The following ATM variants were observed in gnomAD, a reference collection of about 807,000 sequenced individuals.
ATM encodes the protein ATM serine/threonine kinase.
ATM carries 308 observed loss-of-function variants against 387.0 expected under a neutral mutation model. The observed-to-expected ratio is 0.80, with a 90% CI of 0.73 to 0.87. The LOEUF is 0.87. Among genes scored for constraint, ATM ranks in the 40% least tolerant of loss-of-function variants. ATM has a pLI of 0.00. For synonymous variants in ATM, 1,156 were observed against 1,187.3 expected, an observed-to-expected ratio of 0.97 and a Z score of 0.54; for missense variants, 3,312 against 3,560.9, an observed-to-expected ratio of 0.93 and a Z score of 1.78.
At chr11:108,274,935 G>T (rs2081854860) in intron 22 of ATM, among the ~76,000 whole-genome samples, 1 of 152,134 alleles carries the variant, frequency 6.6e-6, no homozygotes, top group African/African-American at 2.4e-5. Flanking sequence ...TTAATTTTCT[G>T]TCTCATTGAT....
At chr11:108,335,380 GA>G (rs1225184596) in intron 55 of ATM, 65 of 1,000,130 alleles carry the variant, frequency 6.5e-5, no homozygotes, top group Middle Eastern at 3.1e-4. Flanking sequence ...TGCTTCTTAT[GA>G]AAAAAAATAC....
intron 32 of ATM, chr11:108,295,306 G>T: frequency 1.8e-4 from 73 of 397,330 alleles, no homozygotes; most frequent in Middle Eastern, 7.6e-4. Context: ...TTTTTCTACT[G>T]CCTAAATTTT....
At chr11:108,316,512 A>G (rs546300653) in intron 42 of ATM, among the ~76,000 whole-genome samples, 74 of 152,228 alleles carry the variant, frequency 4.9e-4, no homozygotes, top group African/African-American at 1.7e-3. Context: ...TGTTGTTTCT[A>G]TTACTGGCTA....
intron 16 of ATM, among the ~76,000 whole-genome samples, chr11:108,263,192 GCACCA>G (rs1302290512): frequency 2.8e-5 from 4 of 142,354 alleles, no homozygotes; most frequent in African/African-American, 1.1e-4. Context: ...ATTTTTTTCA[GCACCA>G]CACCACACCT....
chr11:108,326,158 A>T lies in ATM; in HGVS notation c.6908A>T (p.Lys2303Met), dbSNP rs1064795166. The change falls in exon 47 of 63, where the codon AAG becomes ATG. Residue 2303 changes from lysine to methionine, a missense_variant. By Grantham distance (95) the Lys-to-Met change is moderately conservative. Around this residue, in one of 4 missense-constraint regions of ATM, gnomAD observed 1,405 missense variants for 1,604.4 expected, o/e 0.88. Coordinates refer to ENST00000675843, the MANE Select transcript of ATM (RefSeq NM_000051.4). Reference sequence around the variant, plus strand: ...GAAGCACAAGTATTCTGGGCAAAAAAGGAGCAGAGTCTTGCCCTGAGTATT... The same window carrying T: ...GAAGCACAAGTATTCTGGGCAAAAATGGAGCAGAGTCTTGCCCTGAGTATT... ...LEEAQVFWAK[K>M]EQSLALSILK... is the part of the protein sequence containing the mutation. 1 of 1,614,208 alleles carries T rather than the reference A, an allele frequency of 6.2e-7. No homozygotes were observed. The highest frequency in any genetic ancestry group is 8.5e-7 in the Non-Finnish European group (1 of 1,180,008).
In ATM at chr11:108,364,460, T is replaced by C. The variant is rs141309425; in HGVS notation, c.8851-622T>C. The stretch of plus-strand genomic sequence containing the variant: ...AGCCATGTCAGTTGTTTTGGTATCC[T>C]AATTCTACACCTAATATATATCTCA... On this transcript the variant is annotated intron_variant, in intron 61 of 62. Coordinates refer to ENST00000675843, the MANE Select transcript of ATM (RefSeq NM_000051.4). Among the ~76,000 whole-genome samples the C allele has an allele frequency of 7.9e-3, 1,211 of 152,338 alleles. 9 individuals are homozygous for C. Among genetic ancestry groups the C allele is most frequent in the African/African-American group, 0.025 (1,037 of 41,570 alleles).
intron 59 of ATM, among the ~76,000 whole-genome samples, chr11:108,353,210 A>G (rs1477526049): frequency 6.6e-6 from 1 of 151,782 alleles, no homozygotes; most frequent in African/African-American, 2.4e-5. Flanking sequence ...GTGCAATGGC[A>G]CGATCTCAGC....
intron 25 of ATM, among the ~76,000 whole-genome samples, chr11:108,283,501 A>C (rs1416573438): frequency 6.6e-6 from 1 of 152,214 alleles, no homozygotes; most frequent in Non-Finnish European, 1.5e-5. Flanking sequence ...TTTTACATGT[A>C]GTGTATCACA....
intron 12 of ATM, among the ~76,000 whole-genome samples, chr11:108,253,371 C>T (rs1276004482): frequency 6.6e-6 from 1 of 152,108 alleles, no homozygotes; most frequent in African/African-American, 2.4e-5. Context: ...AAATGACTCA[C>T]TGGCACAAAC....
intron 26 of ATM, among the ~76,000 whole-genome samples, chr11:108,285,660 C>T (rs996912928): frequency 6.6e-6 from 1 of 151,046 alleles, no homozygotes; most frequent in Non-Finnish European, 1.5e-5. Flanking sequence ...AGAAATGGAA[C>T]AGCAAGTTCC....
In ATM at chr11:108,321,288, T is replaced by C. The variant is rs1555117056; in HGVS notation, c.6453-13T>C. On this transcript the variant is annotated splice_polypyrimidine_tract_variant and intron_variant, in intron 44 of 62. Transcript: ENST00000675843. ...TCTTTATTTTCAGAGTGTCTTTTCTTTTTTGCTACTAGAGTAAAAGAAGTG... is the reference window on the plus strand; with the variant it reads ...TCTTTATTTTCAGAGTGTCTTTTCTCTTTTGCTACTAGAGTAAAAGAAGTG... 6.2e-7 allele frequency: 1 copy of C among 1,614,072 alleles called. No homozygotes were observed.
rs1214541502 is a variant in ATM, at chr11:108,302,884, ACCCT to A, written c.5352_5355del (p.Pro1785LeufsTer7). 1 of 1,612,974 alleles carries A rather than the reference ACCCT, an allele frequency of 6.2e-7. No homozygotes were observed. The highest frequency in any genetic ancestry group is 1.7e-5 in the Admixed American group (1 of 59,976). ...GAAGTACCCAGATTTGACAAAGAAAACCCTTTTGAAGGCCTGGATGATATAAATC... is the reference window on the plus strand; with the variant it reads ...GAAGTACCCAGATTTGACAAAGAAAATTTGAAGGCCTGGATGATATAAATC... On this transcript the variant is annotated frameshift_variant, in exon 36 of 63. Transcript: ENST00000675843. LOFTEE classifies it high-confidence loss of function.
intron 4 of ATM, among the ~76,000 whole-genome samples, chr11:108,231,310 A>C (rs1194677683): frequency 6.6e-6 from 1 of 152,150 alleles, no homozygotes; most frequent in African/African-American, 2.4e-5. Context: ...GGCTTTACAC[A>C]TACTGAAAAG....
At chr11:108,281,262 T>A in intron 24 of ATM, 94 bp downstream of exon 24, 1 of 1,282,792 alleles carries the variant, frequency 7.8e-7, no homozygotes, top group Non-Finnish European at 1.1e-6. Flanking sequence ...GGCACTTATT[T>A]AAGACTAGGA....
chr11:108,228,254 G>A (rs1166399783), intron 3 of ATM, among the ~76,000 whole-genome samples: 1 of 152,142 alleles, frequency 6.6e-6, no homozygotes, highest in East Asian at 1.9e-4. Context: ...ATAAGTAAAT[G>A]CTGTGTGTTA....
chr11:108,327,883 G>A (rs1288484013), intron 48 of ATM, 125 bp downstream of exon 48: 1 of 828,960 alleles, frequency 1.2e-6, no homozygotes, highest in Admixed American at 2.1e-5. Flanking sequence ...TATTATTACT[G>A]TTGTAGCTCT....
chr11:108,314,248 T>C (rs1385916699), intron 40 of ATM, among the ~76,000 whole-genome samples: 1 of 152,202 alleles, frequency 6.6e-6, no homozygotes, highest in South Asian at 2.1e-4. Flanking sequence ...CACAAGTAGC[T>C]GGGACTACAG....
chr11:108,244,021 A>G lies in ATM; in HGVS notation c.565A>G (p.Arg189Gly), dbSNP rs2079701086. The change falls in exon 6 of 63, where the codon AGA (arginine) becomes GGA (glycine). Residue 189 changes from arginine (R) to glycine (G), a missense_variant. Coordinates refer to ENST00000675843, the MANE Select transcript of ATM (RefSeq NM_000051.4). The part of the protein sequence containing the change: ...SQDVHRVLVA[R>G]IIHAVTKGCC... ...AGATGTTCATAGAGTTTTAGTGGCT[A>G]GAATAATTCATGCTGTTACCAAAGG... 6.2e-7 allele frequency: 1 copy of G among 1,612,800 alleles called. No homozygotes were observed. Among genetic ancestry groups the G allele is most frequent in the Non-Finnish European group, 8.5e-7 (1 of 1,179,514 alleles).
At chr11:108,283,676 G>A (rs553033390) in intron 25 of ATM, among the ~76,000 whole-genome samples, 1 of 152,246 alleles carries the variant, frequency 6.6e-6, no homozygotes, top group African/African-American at 2.4e-5. Context: ...ATATGCGAGG[G>A]ATTCATTCCA....
Sources: gnomAD v4.1 joint callset for allele counts (sites outside exome capture counted in the v4.1 genomes callset) on GRCh38, gnomAD v4.1.1 for gene constraint, gnomAD v4.1.1 regional missense constraint, MANE v1.5 for transcripts, NCBI Gene and HGNC (gene_info 2026-07-23, HGNC 2026-07-21) for gene names.